Variants in GPBP1 observed in about 807,000 individuals in gnomAD.
GPBP1 encodes GC-rich promoter binding protein 1, also known as vasculin.
In GPBP1, 13 loss-of-function variants were observed where a neutral mutation model predicts 56.5. That is an observed-to-expected ratio of 0.23 (90% CI 0.15 to 0.37). GPBP1 has a LOEUF of 0.37. GPBP1 is among the 10% of genes least tolerant of loss of function. GPBP1 has a pLI of 1.00. For synonymous variants in GPBP1, 204 were observed against 188.9 expected, an observed-to-expected ratio of 1.08 and a Z score of -0.66; for missense variants, 477 against 572.3, an observed-to-expected ratio of 0.83 and a Z score of 1.70.
chr5:57,261,335 C>G (rs931487222), intron 11 of GPBP1, 53 bp downstream of exon 11: 1 of 959,480 alleles, frequency 1.0e-6, no homozygotes, highest in Non-Finnish European at 1.7e-6. Context: ...TTATTTAGAA[C>G]AATATAATTA....
intron 6 of GPBP1, among the ~76,000 whole-genome samples, chr5:57,241,801 T>G (rs1023876353): frequency 3.3e-5 from 5 of 152,342 alleles, no homozygotes; most frequent in Admixed American, 6.5e-5. Flanking sequence ...AAGTTTTCTC[T>G]TTTAAAATGT....
intron 2 of GPBP1, among the ~76,000 whole-genome samples, chr5:57,207,103 CGA>C (rs1755265218): frequency 6.6e-6 from 1 of 151,864 alleles, no homozygotes; most frequent in African/African-American, 2.4e-5. Flanking sequence ...GACTTTGTCT[CGA>C]AAAATAATCA....
chr5:57,186,322 G>T lies in GPBP1; in HGVS notation c.-58+9922G>T, dbSNP rs1226913607. ...GTTTGCTTGAACCCAGGAGTTCAAG[G>T]CTGTAGTGAGCTATGATTGTGGCAC... On this transcript the variant is annotated intron_variant, in intron 2 of 11. Coordinates refer to ENST00000506184, the MANE Select transcript of GPBP1 (RefSeq NM_022913.4). Among the ~76,000 whole-genome samples the T allele has an allele frequency of 2.6e-5, 4 of 151,848 alleles. No homozygotes were observed. In the South Asian group the frequency reaches 8.3e-4, roughly 32 times the overall value.
chr5:57,180,208 G>T (rs1434895463), intron 2 of GPBP1, among the ~76,000 whole-genome samples: 1 of 152,116 alleles, frequency 6.6e-6, no homozygotes, highest in South Asian at 2.1e-4. Flanking sequence ...TCCGCATCCC[G>T]GGTTCAAGTG....
At chr5:57,236,968 A>T in intron 6 of GPBP1, 1 of 550,138 alleles carries the variant, frequency 1.8e-6, no homozygotes, top group East Asian at 3.0e-5. Context: ...AAACTCGGGA[A>T]TTATTTTGTT....
intron 3 of GPBP1, 40 bp downstream of exon 3, chr5:57,214,233 C>T (rs771926832): frequency 6.9e-7 from 1 of 1,443,688 alleles, no homozygotes; most frequent in South Asian, 1.1e-5. Context: ...GCTTCTCTTG[C>T]ATTCATTTTT....
chr5:57,242,560 C>G (rs1191067320), intron 6 of GPBP1, among the ~76,000 whole-genome samples: 1 of 152,122 alleles, frequency 6.6e-6, no homozygotes, highest in East Asian at 1.9e-4. Flanking sequence ...GTGGTGCGAT[C>G]ATGGCTCATT....
chr5:57,195,659 A>G (rs957775562), intron 2 of GPBP1, among the ~76,000 whole-genome samples: 1 of 152,156 alleles, frequency 6.6e-6, no homozygotes, highest in Non-Finnish European at 1.5e-5. Context: ...ACTTAGGCAC[A>G]ACCTCTTTAA....
rs181959150 is a variant in GPBP1 at position 57,234,880 on chromosome 5, T to C, written c.412-1086T>C. On this transcript the variant is annotated intron_variant, in intron 5 of 11. Transcript: ENST00000506184. ...CCCACAATTTGAGTGAATCTTCCTA[T>C]AACCCATGCTGTCAACACAGATTAT... Among the ~76,000 whole-genome samples the C allele has an allele frequency of 1.4e-3, 210 of 152,252 alleles. 1 individual carries two copies. Among genetic ancestry groups the C allele is most frequent in the Middle Eastern group, 6.8e-3 (2 of 294 alleles).
intron 10 of GPBP1, among the ~76,000 whole-genome samples, chr5:57,252,535 T>C (rs952853835): frequency 1.3e-5 from 2 of 151,916 alleles, no homozygotes; most frequent in African/African-American, 4.8e-5. Context: ...GGACCACAGG[T>C]GTGCACCACC....
At chr5:57,242,238 G>A (rs552956509) in intron 6 of GPBP1, among the ~76,000 whole-genome samples, 2 of 152,048 alleles carry the variant, frequency 1.3e-5, no homozygotes, top group Non-Finnish European at 2.9e-5. Flanking sequence ...CTTGCAAAAG[G>A]ACACCTTTAA....
chr5:57,182,496 C>T (rs1754097483), intron 2 of GPBP1, among the ~76,000 whole-genome samples: 1 of 151,894 alleles, frequency 6.6e-6, no homozygotes, highest in South Asian at 2.1e-4. Flanking sequence ...CCTCAGCCTC[C>T]CGAGTAGCTG....
intron 10 of GPBP1, among the ~76,000 whole-genome samples, chr5:57,257,059 G>A (rs1350046160): frequency 4.6e-5 from 7 of 151,030 alleles, no homozygotes; most frequent in African/African-American, 1.5e-4. Context: ...TTGAGATGGA[G>A]TTTCACTCTT....
chr5:57,211,278 C>G (rs1755464595), intron 2 of GPBP1, among the ~76,000 whole-genome samples: 1 of 151,978 alleles, frequency 6.6e-6, no homozygotes, highest in Non-Finnish European at 1.5e-5. Flanking sequence ...CCTCAAACTT[C>G]TGGTCTCAAG....
rs1741736158 is a variant in GPBP1, at chr5:57,257,920, C to A, written c.1161-3260C>A. Among the ~76,000 whole-genome samples the A allele has an allele frequency of 2.0e-5, 3 of 152,146 alleles. No homozygotes were observed. In the South Asian group the frequency reaches 6.2e-4, roughly 32 times the overall value. On this transcript the variant is annotated intron_variant, in intron 10 of 11. Transcript: ENST00000506184. Reference sequence around the variant, plus strand: ...AGTGGGATATTTTGACACAAGCAGGCAATTTACTCACTGAAGTTAAAGATC... The same window carrying A: ...AGTGGGATATTTTGACACAAGCAGGAAATTTACTCACTGAAGTTAAAGATC...
chr5:57,235,281 G>C (rs968664721), intron 5 of GPBP1, among the ~76,000 whole-genome samples: 1 of 151,994 alleles, frequency 6.6e-6, no homozygotes, highest in East Asian at 1.9e-4. Flanking sequence ...CACTCCACCT[G>C]GGTGATAGAG....
At chr5:57,192,069 A>G (rs1255082673) in intron 2 of GPBP1, among the ~76,000 whole-genome samples, 4 of 152,208 alleles carry the variant, frequency 2.6e-5, no homozygotes, top group South Asian at 2.1e-4. Context: ...AACATGTTAT[A>G]TAGATCCCTT....
chr5:57,181,668 C>T (rs1561319246), intron 2 of GPBP1, among the ~76,000 whole-genome samples: 1 of 152,058 alleles, frequency 6.6e-6, no homozygotes, highest in Non-Finnish European at 1.5e-5. Context: ...GGTGTTCTAC[C>T]CACCTCGGCC....
At chr5:57,252,849 A>G (rs963258976) in intron 10 of GPBP1, among the ~76,000 whole-genome samples, 2 of 151,934 alleles carry the variant, frequency 1.3e-5, no homozygotes, top group East Asian at 3.9e-4. Flanking sequence ...AGTTGAGAAT[A>G]CAGGCACACG....
Sources: allele counts gnomAD v4.1 joint callset (sites outside exome capture counted in the v4.1 genomes callset), GRCh38; gene constraint gnomAD v4.1.1; transcripts MANE v1.5; gene names NCBI Gene and HGNC (gene_info 2026-07-23, HGNC 2026-07-21).